Variants in MBD5 observed in about 807,000 individuals in gnomAD.
MBD5 encodes methyl-CpG-binding domain protein 5.
In MBD5, 13 loss-of-function variants were observed where a neutral mutation model predicts 117.3. The ratio of observed to expected loss-of-function variants is 0.11; its 90% CI spans 0.07 to 0.18. The LOEUF (loss-of-function observed/expected upper bound fraction) is 0.18, where lower values mean the gene tolerates loss of function less well. Among genes scored for constraint, MBD5 ranks in the 10% least tolerant of loss-of-function variants. The pLI is 1.00. For missense variants in MBD5, 1,879 were observed against 2,093.8 expected, an observed-to-expected ratio of 0.90 and a Z score of 2.00; for synonymous variants, 727 against 766.4, an observed-to-expected ratio of 0.95 and a Z score of 0.85.
At chr2:148,158,153 A>G (rs1697918063) in intron 1 of MBD5, among the ~76,000 whole-genome samples, 1 of 152,224 alleles carries the variant, frequency 6.6e-6, no homozygotes, top group African/African-American at 2.4e-5. Flanking sequence ...AATGTTTAAT[A>G]GAATAGTGAT....
At chr2:148,214,637 T>G (rs1699507693) in intron 2 of MBD5, among the ~76,000 whole-genome samples, 1 of 152,206 alleles carries the variant, frequency 6.6e-6, no homozygotes, top group African/African-American at 2.4e-5. Context: ...TACCAGTAGC[T>G]CCTATATGAC....
At chr2:148,045,449 A>G (rs1694494055) in intron 1 of MBD5, among the ~76,000 whole-genome samples, 1 of 152,232 alleles carries the variant, frequency 6.6e-6, no homozygotes, top group Admixed American at 6.5e-5. Flanking sequence ...CTTACGAAGA[A>G]CACATGAAGG....
chr2:148,323,652 A>G (rs1424050966), intron 3 of MBD5, among the ~76,000 whole-genome samples: 1 of 151,876 alleles, frequency 6.6e-6, no homozygotes, highest in East Asian at 1.9e-4. Context: ...TTCTTTTGAG[A>G]AGTGTCTGTT....
intron 1 of MBD5, among the ~76,000 whole-genome samples, chr2:148,093,188 G>A (rs940199284): frequency 1.3e-5 from 2 of 152,142 alleles, no homozygotes; most frequent in Non-Finnish European, 2.9e-5. Context: ...TAGGATTACA[G>A]GAGTGAGCCA....
At chr2:148,067,377 CG>C (rs1229664018) in intron 1 of MBD5, among the ~76,000 whole-genome samples, 3 of 152,070 alleles carry the variant, frequency 2.0e-5, no homozygotes, top group African/African-American at 7.2e-5. Context: ...TACAAATTAT[CG>C]TTAGACATAG....
intron 4 of MBD5, among the ~76,000 whole-genome samples, chr2:148,391,450 T>A (rs1050834115): frequency 6.6e-6 from 1 of 152,228 alleles, no homozygotes; most frequent in African/African-American, 2.4e-5. Flanking sequence ...CTAGGGATTT[T>A]AGCAAATACC....
At chr2:148,318,442 G>T (rs963806695) in intron 3 of MBD5, among the ~76,000 whole-genome samples, 1 of 151,660 alleles carries the variant, frequency 6.6e-6, no homozygotes, top group Non-Finnish European at 1.5e-5. Context: ...TTCTTTTGAT[G>T]TGCAGAATCT....
At chr2:148,471,575 CAT>C (rs1036938914) in intron 8 of MBD5, 1 of 152,108 alleles carries the variant, frequency 6.6e-6, no homozygotes, top group Admixed American at 6.6e-5. Context: ...TTCTAACCCA[CAT>C]GTCTTTGTTG....
At chr2:148,480,526 T>C (rs1386750988) in intron 8 of MBD5, among the ~76,000 whole-genome samples, 1 of 152,048 alleles carries the variant, frequency 6.6e-6, no homozygotes, top group Non-Finnish European at 1.5e-5. Context: ...GTGCCACAAG[T>C]AGTGATTACC....
chr2:148,213,058 G>T (rs981592886), intron 2 of MBD5, among the ~76,000 whole-genome samples: 8 of 152,078 alleles, frequency 5.3e-5, no homozygotes, highest in Non-Finnish European at 1.0e-4. Flanking sequence ...TCTCCTTCCA[G>T]CCACCAGCCA....
intron 4 of MBD5, among the ~76,000 whole-genome samples, chr2:148,345,004 A>G (rs770474268): frequency 3.0e-4 from 45 of 152,016 alleles, no homozygotes; most frequent in Admixed American, 1.4e-3. Flanking sequence ...TCTTAGAGAT[A>G]TATGTCCTAG....
rs544072422 is a variant in MBD5 at position 148,271,627 on chromosome 2, C to T, written c.-680+38232C>T. Among the ~76,000 whole-genome samples the T allele has an allele frequency of 8.1e-4, 123 of 152,176 alleles. 1 individual carries two copies. The highest frequency in any genetic ancestry group is 3.4e-3 in the Middle Eastern group (1 of 294). On this transcript the variant is annotated intron_variant, in intron 3 of 13. Transcript: ENST00000642680. ...TAATAAATTTTTCTCTAATTTCCGT[C>T]GGTATGCTATTGATATTTCCACTCT... is the stretch of plus-strand genomic sequence containing the variant.
intron 4 of MBD5, among the ~76,000 whole-genome samples, chr2:148,342,862 A>G (rs1702984946): frequency 6.6e-6 from 1 of 151,888 alleles, no homozygotes; most frequent in Non-Finnish European, 1.5e-5. Flanking sequence ...GGTATAAATG[A>G]TCTCCTCATG....
intron 4 of MBD5, among the ~76,000 whole-genome samples, chr2:148,351,300 T>C (rs1703244786): frequency 6.6e-6 from 1 of 152,054 alleles, no homozygotes; most frequent in Non-Finnish European, 1.5e-5. Flanking sequence ...AGGCAACCAC[T>C]AATCTACTGC....
chr2:148,395,089 A>C (rs1327740005), intron 4 of MBD5, among the ~76,000 whole-genome samples: 34 of 152,140 alleles, frequency 2.2e-4, no homozygotes, highest in Admixed American at 2.2e-3. Context: ...ATACCAGTGG[A>C]CCATACCTGG....
At chr2:148,103,034 C>A (rs1401550606) in intron 1 of MBD5, among the ~76,000 whole-genome samples, 1 of 151,988 alleles carries the variant, frequency 6.6e-6, no homozygotes, top group Non-Finnish European at 1.5e-5. Flanking sequence ...TTAATCAGAA[C>A]ATATTGAATT....
intron 1 of MBD5, among the ~76,000 whole-genome samples, chr2:148,053,293 T>C (rs1230419368): frequency 6.6e-6 from 1 of 152,152 alleles, no homozygotes; most frequent in Non-Finnish European, 1.5e-5. Flanking sequence ...ATGACAGCTG[T>C]GTCTCAGTAG....
chr2:148,457,648 C>T (rs991932615), intron 4 of MBD5, among the ~76,000 whole-genome samples: 2 of 152,110 alleles, frequency 1.3e-5, no homozygotes, highest in African/African-American at 4.8e-5. Context: ...GCAACTTCCA[C>T]TCATATTCAG....
At chr2:148,178,328 T>G (rs1281307442) in intron 1 of MBD5, among the ~76,000 whole-genome samples, 1 of 152,216 alleles carries the variant, frequency 6.6e-6, no homozygotes, top group Non-Finnish European at 1.5e-5. Flanking sequence ...ATTTTTGTAA[T>G]AATTTTGAGC....
Sources: gnomAD v4.1 joint callset for allele counts (sites outside exome capture counted in the v4.1 genomes callset) on GRCh38, gnomAD v4.1.1 for gene constraint, MANE v1.5 for transcripts, NCBI Gene and HGNC (gene_info 2026-07-23, HGNC 2026-07-21) for gene names.